The following DCP1A variants were observed in gnomAD, a reference collection of about 807,000 sequenced individuals.
DCP1A encodes mRNA-decapping enzyme 1A.
A neutral mutation model predicts 58.0 loss-of-function variants in DCP1A; 20 were observed. The ratio of observed to expected loss-of-function variants is 0.34; its 90% confidence interval spans 0.24 to 0.50. DCP1A has a LOEUF of 0.50. Ranked by LOEUF, DCP1A falls within the 20% of genes least tolerant of loss-of-function variation. DCP1A has a pLI of 0.98. For synonymous variants in DCP1A, 285 were observed against 275.1 expected, an observed-to-expected ratio of 1.04 and a Z score of -0.36; for missense variants, 613 against 712.2, an observed-to-expected ratio of 0.86 and a Z score of 1.59.
chr3:53,337,965 T>C (rs1366834185), intron 3 of DCP1A: 1 of 221,904 alleles, frequency 4.5e-6, no homozygotes, highest in Non-Finnish European at 9.7e-6. Flanking sequence ...TGCAAAGTTT[T>C]AGTGGATAGC....
rs145692948 is a variant in DCP1A at position 53,307,462 on chromosome 3, G to A, written c.511-3172C>T. Among the ~76,000 whole-genome samples, 92 of 152,242 alleles carry A rather than the reference G, an allele frequency of 6.0e-4. No individual in the cohort carries two copies. The South Asian group carries it at 7.3e-3, about 12-fold the overall frequency. The stretch of plus-strand genomic sequence containing the variant: ...CTCTCAACCTGCTTCAGTTCCACCC[G>A]GCCTGCTTTACTCACTACCATGGCT... On this transcript the variant is annotated intron_variant, in intron 5 of 9. Coordinates refer to ENST00000610213, the MANE Select transcript of DCP1A (RefSeq NM_018403.7).
intron 3 of DCP1A, among the ~76,000 whole-genome samples, chr3:53,328,274 T>G (rs782254859): frequency 4.6e-5 from 7 of 152,208 alleles, no homozygotes; most frequent in Non-Finnish European, 1.0e-4. Context: ...GGAGCTTCGC[T>G]TAGACTAGCG....
chr3:53,291,430 A>ATTT, intron 7 of DCP1A, among the ~76,000 whole-genome samples: 1 of 142,160 alleles, frequency 7.0e-6, no homozygotes, highest in African/African-American at 2.6e-5. Flanking sequence ...TATTCATTCT[A>ATTT]TTTTTTTTTT....
Position 53,304,295 on chromosome 3 carries a change from A to G in DCP1A, c.511-5T>C, listed in dbSNP as rs782485705. 13 of 1,603,154 alleles carry G rather than the reference A, an allele frequency of 8.1e-6. No homozygotes were observed. In the East Asian group the frequency reaches 2.9e-4, roughly 36 times the overall value. On this transcript the variant is annotated splice_polypyrimidine_tract_variant and splice_region_variant and intron_variant, in intron 5 of 9. Transcript: ENST00000610213. ...ATTTGAGTCACCCATCTGATTCTTT[A>G]AAAAGTTAAAAGAAAAAAATATATC...
chr3:53,338,119 C>T (rs1553692139), intron 3 of DCP1A: 1 of 440,858 alleles, frequency 2.3e-6, no homozygotes, highest in Admixed American at 2.4e-5. Flanking sequence ...GATTCCTAAA[C>T]AGCTCTGAGC....
Position 53,287,581 on chromosome 3 carries a change from C to T in DCP1A, c.1748G>A (p.Ter583=). Residue 583 remains the stop codon, a stop_retained_variant, in exon 10 of 10, where the codon TGA becomes TAA. Transcript: ENST00000610213. ...GCCTTTAGACTTATTCTGCTCCAGT[C>T]ATAGGTTGTGGTTGTCTTTGTTCTT... ...LTKNKDNHNL[*] The T allele has an allele frequency of 6.2e-7, 1 of 1,603,898 alleles. No individual in the cohort carries two copies. Among genetic ancestry groups the T allele is most frequent in the Non-Finnish European group, 8.5e-7 (1 of 1,170,990 alleles).
intron 4 of DCP1A, among the ~76,000 whole-genome samples, chr3:53,315,758 T>G (rs1297808219): frequency 3.6e-4 from 22 of 61,242 alleles, no homozygotes; most frequent in East Asian, 3.1e-3. Context: ...TTTTTTTTTG[T>G]TTTTTTTTTT....
intron 3 of DCP1A, among the ~76,000 whole-genome samples, chr3:53,340,347 T>C (rs1161346481): frequency 1.3e-5 from 2 of 152,234 alleles, no homozygotes; most frequent in African/African-American, 4.8e-5. Flanking sequence ...ATGTCTAATA[T>C]GTCCACAGAA....
chr3:53,315,600 G>A (rs1559694257), intron 4 of DCP1A, among the ~76,000 whole-genome samples: 1 of 150,074 alleles, frequency 6.7e-6, no homozygotes. Flanking sequence ...AGAGTCAACA[G>A]CTTCTAAGTT....
At chr3:53,310,972 T>C (rs1466484082) in intron 5 of DCP1A, among the ~76,000 whole-genome samples, 1 of 152,214 alleles carries the variant, frequency 6.6e-6, no homozygotes, top group African/African-American at 2.4e-5. Context: ...TAAAGGGCAG[T>C]ATGCAAAAAA....
chr3:53,334,904 A>T (rs1273974642), intron 3 of DCP1A, among the ~76,000 whole-genome samples: 4 of 151,494 alleles, frequency 2.6e-5, no homozygotes, highest in African/African-American at 9.7e-5. Flanking sequence ...TCGATTACTG[A>T]ATTATTGGTT....
At chr3:53,329,993 T>G (rs1203189960) in intron 3 of DCP1A, among the ~76,000 whole-genome samples, 1 of 152,164 alleles carries the variant, frequency 6.6e-6, no homozygotes, top group Non-Finnish European at 1.5e-5. Context: ...ATCAAGACCA[T>G]ATACTCTTTC....
At chr3:53,292,947 G>A (rs1706979648) in intron 6 of DCP1A, 120 bp from the exon 7 acceptor site, 2 of 1,049,880 alleles carry the variant, frequency 1.9e-6, no homozygotes, top group African/African-American at 3.2e-5. Context: ...TCAAAATAAG[G>A]AACGGAAAAA....
At chr3:53,313,181 T>C (rs1006012433) in intron 4 of DCP1A, among the ~76,000 whole-genome samples, 1 of 152,092 alleles carries the variant, frequency 6.6e-6, no homozygotes, top group African/African-American at 2.4e-5. Context: ...TATAAGCAAA[T>C]AAAAGGTTTC....
At chr3:53,321,618 C>T (rs62256967) in intron 3 of DCP1A, among the ~76,000 whole-genome samples, 22,462 of 152,156 alleles carry the variant, frequency 0.15, 1,770 homozygotes, top group Non-Finnish European at 0.18. Context: ...ACTCAGGAAG[C>T]GGAGACAGGA....
chr3:53,315,686 CAT>C (rs1707781846), intron 4 of DCP1A, among the ~76,000 whole-genome samples: 1 of 149,994 alleles, frequency 6.7e-6, no homozygotes, highest in South Asian at 2.1e-4. Context: ...GAAGCTCACT[CAT>C]TTTCCTACAT....
At chr3:53,340,779 A>T (rs1256097220) in intron 3 of DCP1A, among the ~76,000 whole-genome samples, 12 of 152,202 alleles carry the variant, frequency 7.9e-5, no homozygotes, top group Admixed American at 6.5e-4. Context: ...GGAATCAAGT[A>T]TATTTTTTAG....
intron 8 of DCP1A, among the ~76,000 whole-genome samples, chr3:53,289,163 G>A (rs1458163129): frequency 6.6e-6 from 1 of 151,194 alleles, no homozygotes; most frequent in East Asian, 2.0e-4. Flanking sequence ...TCTCACTAAT[G>A]TTGCCCAGGA....
chr3:53,326,940 A>C (rs1708121568), intron 3 of DCP1A, among the ~76,000 whole-genome samples: 3 of 151,780 alleles, frequency 2.0e-5, no homozygotes, highest in Admixed American at 2.0e-4. Context: ...TGCTGGTGTA[A>C]ATGATTACGG....
Sources: gnomAD v4.1 joint callset for allele counts (sites outside exome capture counted in the v4.1 genomes callset) on GRCh38, gnomAD v4.1.1 for gene constraint, MANE v1.5 for transcripts, NCBI Gene and HGNC (gene_info 2026-07-23, HGNC 2026-07-21) for gene names.